KHSRP: variants seen among roughly 807,000 people sequenced by gnomAD.
KHSRP encodes far upstream element-binding protein 2.
In KHSRP, 13 loss-of-function variants were observed where a neutral mutation model predicts 94.9. That is an observed-to-expected ratio of 0.14 (90% CI 0.09 to 0.22). The LOEUF (loss-of-function observed/expected upper bound fraction) is 0.22, where lower values mean the gene tolerates loss of function less well. Among genes scored for constraint, KHSRP ranks in the 10% least tolerant of loss-of-function variants. The probability of loss-of-function intolerance (pLI) is 1.00; values close to 1 mark genes in which losing one functional copy is unlikely to be tolerated. For synonymous variants in KHSRP, 495 were observed against 401.4 expected, an observed-to-expected ratio of 1.23 and a Z score of -2.79; for missense variants, 710 against 1,010.0, an observed-to-expected ratio of 0.70 and a Z score of 4.03.
chr19:6,417,014 G>A lies in KHSRP; in HGVS notation c.1155C>T (p.Ile385=), dbSNP rs193266475. 1.2e-6 allele frequency: 2 copies of A among 1,613,786 alleles called. No homozygotes were observed. Among genetic ancestry groups the A allele is most frequent in the Non-Finnish European group, 1.7e-6 (2 of 1,179,876 alleles). The change falls in exon 12 of 19, where the codon ATC becomes ATT. Residue 385 remains isoleucine, a synonymous_variant. Coordinates refer to ENST00000600480, the MANE Select transcript of KHSRP (RefSeq NM_001366299.1). ...PPDRCEHAAR[I]INDLLQSLRS... is the part of the protein sequence containing the mutation. ...TGAGGCTCTGGAGGAGGTCGTTGATGATCCGGGCTGCGTGCTCGCACCTGT... is the reference window on the plus strand; with the variant it reads ...TGAGGCTCTGGAGGAGGTCGTTGATAATCCGGGCTGCGTGCTCGCACCTGT...
rs2092120596 is a variant in KHSRP at position 6,413,979 on chromosome 19, T to C, written c.*1045A>G. 2 of 763,538 alleles carry C rather than the reference T, an allele frequency of 2.6e-6. No individual in the cohort carries two copies. The highest frequency in any genetic ancestry group is 3.3e-5 in the Admixed American group (1 of 30,204). The allele number at this position is 763,538 out of a possible 1,614,324, so 47.3% of individuals were successfully genotyped here. A position where few individuals can be genotyped will look rare whatever the true frequency, so the allele number is the denominator to read the frequency against. On this transcript the variant is annotated 3_prime_UTR_variant, in exon 19 of 19. Coordinates refer to ENST00000600480, the MANE Select transcript of KHSRP (RefSeq NM_001366299.1). ...TGCCCCCAAGTCCCCCCCACCCTGC[T>C]TGCCGCGAGGGCTCCCCAGTACTCC... is the stretch of plus-strand genomic sequence containing the variant.
rs375127751 is a variant in KHSRP, at chr19:6,416,479, C to T, written c.1488+11G>A. 8 of 1,612,510 alleles carry T rather than the reference C, an allele frequency of 5.0e-6. No homozygotes were observed. Among genetic ancestry groups the T allele is most frequent in the Non-Finnish European group, 6.8e-6 (8 of 1,179,400 alleles). On this transcript the variant is annotated intron_variant, in intron 14 of 18. Coordinates refer to ENST00000600480, the MANE Select transcript of KHSRP (RefSeq NM_001366299.1). ...TGTGAGACCAAATCCCCAGAGCCCG[C>T]CCCAACCCACCTCGATCTTTTCCTC...
At position 6,414,579 on chromosome 19, in the gene KHSRP, C is replaced by T. The variant is rs1352788840; in HGVS notation, c.*445G>A. 2.0e-5 allele frequency: 20 copies of T among 1,015,296 alleles called. No homozygotes were observed. Among genetic ancestry groups the T allele is most frequent in the South Asian group, 4.4e-5 (1 of 22,964 alleles). 62.9% of individuals were successfully genotyped at this position (1,015,296 alleles called of 1,614,324 possible). A position where few individuals can be genotyped will look rare whatever the true frequency, so the allele number is the denominator to read the frequency against. On this transcript the variant is annotated 3_prime_UTR_variant, in exon 19 of 19. Coordinates refer to ENST00000600480, the MANE Select transcript of KHSRP (RefSeq NM_001366299.1). Reference sequence around the variant, plus strand: ...GCGCGAGCGCATGGGAGGCTGAGCCCGGCGGGGCAGGGGCCTGGGCCGCTC... The same window carrying T: ...GCGCGAGCGCATGGGAGGCTGAGCCTGGCGGGGCAGGGGCCTGGGCCGCTC...
Position 6,415,881 on chromosome 19 carries a change from AG to A in KHSRP, c.1613del (p.Pro538LeufsTer196), listed in dbSNP as rs1239449875. The A allele has an allele frequency of 1.3e-6, 2 of 1,533,152 alleles. No homozygotes were observed. Among genetic ancestry groups the A allele is most frequent in the Non-Finnish European group, 1.8e-6 (2 of 1,139,796 alleles). 95.0% of individuals were successfully genotyped at this position (1,533,152 alleles called of 1,614,324 possible). ...PGAPPHAGGP[P>X]PHQYPPQGWG... ...AGCCCTGGGGTGGGTACTGGTGAGG[AG>A]GGGGCCCCCCGGCACTGCAGGAGAG... On this transcript the variant is annotated frameshift_variant, in exon 16 of 19. Coordinates refer to ENST00000600480, the MANE Select transcript of KHSRP (RefSeq NM_001366299.1). LOFTEE classifies it high-confidence loss of function.
Position 6,416,882 on chromosome 19 carries a change from T to C in KHSRP, c.1183A>G (p.Ser395Gly). The change falls in exon 13 of 19, where the codon AGT (serine) becomes GGT (glycine). Residue 395 changes from serine (S) to glycine (G), a missense_variant and splice_region_variant. Physicochemically the swap from Ser to Gly is moderately conservative, Grantham distance 56. Around this residue, in one of 5 missense-constraint regions of KHSRP, gnomAD observed 288 missense variants for 501.1 expected, o/e 0.57. Coordinates refer to ENST00000600480, the MANE Select transcript of KHSRP (RefSeq NM_001366299.1). ...CCCCCTGGAGGACCTGGGGGACCACTCTGCAAGACAAGAGGAGGAGGAGGA... is the reference window on the plus strand; with the variant it reads ...CCCCCTGGAGGACCTGGGGGACCACCCTGCAAGACAAGAGGAGGAGGAGGA... The part of the protein sequence containing the change: ...IINDLLQSLR[S>G]GPPGPPGGPG... 3 of 1,611,056 alleles carry C rather than the reference T, an allele frequency of 1.9e-6. No individual in the cohort carries two copies. Among genetic ancestry groups the C allele is most frequent in the East Asian group, 2.2e-5 (1 of 44,822 alleles).
chr19:6,417,726 G>A lies in KHSRP; in HGVS notation c.1081+13C>T, dbSNP rs752119918. On this transcript the variant is annotated intron_variant, in intron 11 of 18. Coordinates refer to ENST00000600480, the MANE Select transcript of KHSRP (RefSeq NM_001366299.1). ...GGTGCACTGGCCAGGGGCAGGGTGG[G>A]CCAGGCCCTGACCTTGCTTGAACTG... 1 of 1,608,812 alleles carries A rather than the reference G, an allele frequency of 6.2e-7. No individual in the cohort carries two copies. The highest frequency in any genetic ancestry group is 1.7e-5 in the Admixed American group (1 of 59,922).
chr19:6,421,068 C>G (rs1173452212), intron 4 of KHSRP: 10 of 591,006 alleles, frequency 1.7e-5, no homozygotes, highest in East Asian at 1.2e-4. Flanking sequence ...GTGACTGCCA[C>G]GACGCTCCCC....
rs2092132468 is a variant in KHSRP at position 6,414,984 on chromosome 19, C to T, written c.*40G>A. The T allele has an allele frequency of 1.4e-6, 2 of 1,440,506 alleles. No homozygotes were observed. The highest frequency in any genetic ancestry group is 2.9e-5 in the African/African-American group (2 of 69,802). The allele number at this position is 1,440,506 out of a possible 1,614,324, so 89.2% of individuals were successfully genotyped here. On this transcript the variant is annotated 3_prime_UTR_variant, in exon 19 of 19. Transcript: ENST00000600480. Reference sequence around the variant, plus strand: ...ATGCTTCCCTGGCGGTGCGTGGGGACTCCCGGAGACCTCCGGCCACACGGC... The same window carrying T: ...ATGCTTCCCTGGCGGTGCGTGGGGATTCCCGGAGACCTCCGGCCACACGGC...
intron 4 of KHSRP, among the ~76,000 whole-genome samples, chr19:6,420,850 T>C (rs1413135304): frequency 6.6e-6 from 1 of 152,190 alleles, no homozygotes; most frequent in East Asian, 1.9e-4. Context: ...CTGCCCTGTG[T>C]CAGGTTCACC....
rs755865840 is a variant in KHSRP, at chr19:6,413,530, G to A, written c.*1494C>T. 2.7e-5 allele frequency: 8 copies of A among 296,988 alleles called. No individual in the cohort carries two copies. Among genetic ancestry groups the A allele is most frequent in the South Asian group, 5.0e-5 (2 of 40,186 alleles). 18.4% of individuals were successfully genotyped at this position (296,988 alleles called of 1,614,324 possible). On this transcript the variant is annotated 3_prime_UTR_variant, in exon 19 of 19. Transcript: ENST00000600480. Reference sequence around the variant, plus strand: ...GGGGCCGCGGGAGCTGAGCCAGGGCGGGAGGGAGAGAAGAGGGGGCTTGGC... The same window carrying A: ...GGGGCCGCGGGAGCTGAGCCAGGGCAGGAGGGAGAGAAGAGGGGGCTTGGC...
Position 6,414,980 on chromosome 19 carries a change from G to C in KHSRP, c.*44C>G, listed in dbSNP as rs1270579784. On this transcript the variant is annotated 3_prime_UTR_variant, in exon 19 of 19. Coordinates refer to ENST00000600480, the MANE Select transcript of KHSRP (RefSeq NM_001366299.1). ...GCGAATGCTTCCCTGGCGGTGCGTG[G>C]GGACTCCCGGAGACCTCCGGCCACA... The C allele has an allele frequency of 1.4e-6, 2 of 1,438,554 alleles. No individual in the cohort carries two copies. The highest frequency in any genetic ancestry group is 5.0e-5 in the East Asian group (2 of 40,088). The allele number at this position is 1,438,554 out of a possible 1,614,324, so 89.1% of individuals were successfully genotyped here.
intron 11 of KHSRP, 114 bp downstream of exon 11, chr19:6,417,625 C>T (rs1254244303): frequency 7.9e-6 from 6 of 755,436 alleles, no homozygotes; most frequent in African/African-American, 1.7e-5. Context: ...GACTAAGAGC[C>T]GTGAGGTGCT....
At position 6,418,602 on chromosome 19, in the gene KHSRP, G is replaced by T. The variant is rs749709072; in HGVS notation, c.781-21C>A. The T allele has an allele frequency of 6.2e-7, 1 of 1,612,990 alleles. No homozygotes were observed. On this transcript the variant is annotated intron_variant, in intron 8 of 18. Coordinates refer to ENST00000600480, the MANE Select transcript of KHSRP (RefSeq NM_001366299.1). The surrounding 1 kb of genome is among the most constrained non-coding windows in gnomAD (Gnocchi z 4.3). ...CGTTCCTTTACAAGCAAGGTTAACC[G>T]TTAGTGCTGGGCTCTCCCAGGACTT...
chr19:6,414,197 G>T lies in KHSRP; in HGVS notation c.*827C>A. 1 of 1,553,144 alleles carries T rather than the reference G, an allele frequency of 6.4e-7. No individual in the cohort carries two copies. The highest frequency in any genetic ancestry group is 8.7e-7 in the Non-Finnish European group (1 of 1,151,398). ...GAGACTAGGGGGCGGAAGAGAGGAGGGGCTGGAACACCGTGGGGGGGGCCA... is the reference window on the plus strand; with the variant it reads ...GAGACTAGGGGGCGGAAGAGAGGAGTGGCTGGAACACCGTGGGGGGGGCCA... On this transcript the variant is annotated 3_prime_UTR_variant, in exon 19 of 19. Coordinates refer to ENST00000600480, the MANE Select transcript of KHSRP (RefSeq NM_001366299.1).
chr19:6,421,209 C>G, intron 4 of KHSRP, 69 bp downstream of exon 4: 1 of 1,445,718 alleles, frequency 6.9e-7, no homozygotes. Context: ...AGAGCCCTCC[C>G]AAGTCAGCAG....
In KHSRP at chr19:6,414,210, G is replaced by A. The variant is rs569936769; in HGVS notation, c.*814C>T. On this transcript the variant is annotated 3_prime_UTR_variant, in exon 19 of 19. Coordinates refer to ENST00000600480, the MANE Select transcript of KHSRP (RefSeq NM_001366299.1). ...GGAAGAGAGGAGGGGCTGGAACACCGTGGGGGGGGCCAGGAAGCCCCCTCC... is the reference window on the plus strand; with the variant it reads ...GGAAGAGAGGAGGGGCTGGAACACCATGGGGGGGGCCAGGAAGCCCCCTCC... 2.1e-5 allele frequency: 32 copies of A among 1,518,422 alleles called. No individual in the cohort carries two copies. Among genetic ancestry groups the A allele is most frequent in the South Asian group, 5.1e-5 (4 of 78,854 alleles). The allele number at this position is 1,518,422 out of a possible 1,614,324, so 94.1% of individuals were successfully genotyped here. A position where few individuals can be genotyped will look rare whatever the true frequency, so the allele number is the denominator to read the frequency against.
rs548997789 is a variant in KHSRP, at chr19:6,418,153, G to A, written c.880-74C>T. On this transcript the variant is annotated intron_variant, in intron 9 of 18. Transcript: ENST00000600480. This position sits in a 1 kb window ranked among gnomAD's most constrained non-coding sequence, Gnocchi z 4.3. ...CACCCCCCCACCTCCTCGGGGGTGC[G>A]GGCCTCAACTAAGGACCCACGAACC... The A allele has an allele frequency of 2.0e-4, 278 of 1,362,514 alleles. 2 individuals carry two copies. The African/African-American group carries it at 3.2e-3, about 15-fold the overall frequency. The allele number at this position is 1,362,514 out of a possible 1,614,324, so 84.4% of individuals were successfully genotyped here.
chr19:6,419,256 G>A lies in KHSRP; in HGVS notation c.552C>T (p.Ser184=), dbSNP rs199705336. ...SGCKVQISPD[S]GGLPERSVSL... is the part of the protein sequence containing the mutation. ...ACACACTGCGCTCGGGTAGGCCACC[G>A]CTGTCTGAAAAGAGGAGATAGAGTC... The change falls in exon 7 of 19, where the codon AGC becomes AGT. Residue 184 remains serine (S), a synonymous_variant. Coordinates refer to ENST00000600480, the MANE Select transcript of KHSRP (RefSeq NM_001366299.1). The A allele has an allele frequency of 1.4e-5, 22 of 1,575,870 alleles. No homozygotes were observed. Among genetic ancestry groups the A allele is most frequent in the African/African-American group, 5.4e-5 (4 of 74,062 alleles).
At chr19:6,423,771 T>C (rs964318583) in intron 1 of KHSRP, among the ~76,000 whole-genome samples, 2 of 152,160 alleles carry the variant, frequency 1.3e-5, no homozygotes, top group Admixed American at 6.5e-5. Context: ...ATGGGGAGGC[T>C]GCAAATGGAG....
Sources: allele counts gnomAD v4.1 joint callset (sites outside exome capture counted in the v4.1 genomes callset), GRCh38; gene constraint gnomAD v4.1.1; regional missense constraint gnomAD v4.1.1; non-coding constraint Gnocchi (gnomAD v3.1); transcripts MANE v1.5; gene names NCBI Gene and HGNC (gene_info 2026-07-23, HGNC 2026-07-21).